The following TSR2 variants were observed in gnomAD, a reference collection of about 807,000 sequenced individuals.
The protein encoded by TSR2 is TSR2 ribosome maturation factor.
A neutral mutation model predicts 13.3 loss-of-function variants in TSR2; 1 was observed. The ratio of observed to expected loss-of-function variants is 0.08; its 90% CI spans 0.03 to 0.36. The LOEUF (loss-of-function observed/expected upper bound fraction) is 0.36. Among genes scored for constraint, TSR2 ranks in the 10% least tolerant of loss-of-function variants. TSR2 has a pLI of 0.99. For synonymous variants in TSR2, 60 were observed against 57.7 expected, an observed-to-expected ratio of 1.04 and a Z score of -0.18; for missense variants, 120 against 151.1, an observed-to-expected ratio of 0.79 and a Z score of 1.08.
At chrX:54,443,173 A>G (rs1172247273) in intron 2 of TSR2, among the ~76,000 whole-genome samples, 4 of 112,082 alleles carry the variant, frequency 3.6e-5, no homozygotes, top group Non-Finnish European at 7.5e-5. Context: ...AATGCAGAAC[A>G]CTTTAGCAGA....
chrX:54,441,364 G>C (rs1461510500), intron 2 of TSR2, among the ~76,000 whole-genome samples: 2 of 111,884 alleles, frequency 1.8e-5, no homozygotes, highest in African/African-American at 6.5e-5. Flanking sequence ...ACAAGAACAA[G>C]AGGCCCAGTA....
rs1226487472 is a variant in TSR2 at position 54,446,721 on chromosome X, C to CT, written c.*2191dup. Among the ~76,000 whole-genome samples, 1,636 of 87,631 alleles carry CT rather than the reference C, an allele frequency of 0.019. 68 individuals are homozygous for CT. Among genetic ancestry groups the CT allele is most frequent in the African/African-American group, 0.059 (1,347 of 23,015 alleles). The allele number at this position is 87,631 out of a possible 115,157, so 76.1% of individuals were successfully genotyped here. The stretch of plus-strand genomic sequence containing the variant: ...CTATGCTATTGCCCCTATCTGCATA[C>CT]TTTTTTTTTTTTTTTTTTTTGAGAC... On this transcript the variant is annotated 3_prime_UTR_variant, in exon 5 of 5. Coordinates refer to ENST00000375151, the MANE Select transcript of TSR2 (RefSeq NM_058163.3).
chrX:54,445,968 C>A lies in TSR2; in HGVS notation c.*1418C>A. 1 of 466,968 alleles carries A rather than the reference C, an allele frequency of 2.1e-6. No individual in the cohort carries two copies. Among genetic ancestry groups the A allele is most frequent in the Non-Finnish European group, 3.7e-6 (1 of 273,464 alleles). The allele number at this position is 466,968 out of a possible 1,213,427, so 38.5% of individuals were successfully genotyped here. A position where few individuals can be genotyped will look rare whatever the true frequency, so the allele number is the denominator to read the frequency against. The stretch of plus-strand genomic sequence containing the variant: ...TTGTGAAAAGATGAATTAAAAAACC[C>A]AAGACCCAGCATTCGGGATTGAAAG... On this transcript the variant is annotated 3_prime_UTR_variant, in exon 5 of 5. Coordinates refer to ENST00000375151, the MANE Select transcript of TSR2 (RefSeq NM_058163.3).
At chrX:54,441,710 A>T (rs1365215950) in intron 2 of TSR2, among the ~76,000 whole-genome samples, 1 of 110,972 alleles carries the variant, frequency 9.0e-6, no homozygotes, top group Non-Finnish European at 1.9e-5. Context: ...CAGGGAGCTC[A>T]GTATTGGAGT....
rs981719835 is a variant in TSR2, at chrX:54,440,891, G to A, written c.172+111G>A. 65 of 545,990 alleles carry A rather than the reference G, an allele frequency of 1.2e-4. No individual in the cohort carries two copies. The Middle Eastern group carries it at 1.5e-3, about 13-fold the overall frequency. 45.0% of individuals were successfully genotyped at this position (545,990 alleles called of 1,213,427 possible). The stretch of plus-strand genomic sequence containing the variant: ...GAGCAGTTGTGGATTGGTACCTAAA[G>A]GTGAGGTGGAATGAATTCAGCTTTT... On this transcript the variant is annotated intron_variant, in intron 2 of 4. Coordinates refer to ENST00000375151, the MANE Select transcript of TSR2 (RefSeq NM_058163.3).
In TSR2 at chrX:54,446,348, G is replaced by A. The variant is rs1295137376; in HGVS notation, c.*1798G>A. The A allele has an allele frequency of 3.3e-6, 4 of 1,210,626 alleles. No homozygotes were observed. The highest frequency in any genetic ancestry group is 4.5e-6 in the Non-Finnish European group (4 of 894,814). On this transcript the variant is annotated 3_prime_UTR_variant, in exon 5 of 5. Coordinates refer to ENST00000375151, the MANE Select transcript of TSR2 (RefSeq NM_058163.3). Reference sequence around the variant, plus strand: ...TTGAAGACATGCCTTCTGTCAGGCCGCTCCCCTGCCTCGGGCGGTCCCACC... The same window carrying A: ...TTGAAGACATGCCTTCTGTCAGGCCACTCCCCTGCCTCGGGCGGTCCCACC...
Position 54,445,941 on chromosome X carries a change from T to G in TSR2, c.*1391T>G. The G allele has an allele frequency of 2.3e-6, 1 of 441,043 alleles. No individual in the cohort carries two copies. The highest frequency in any genetic ancestry group is 2.5e-5 in the African/African-American group (1 of 40,700). 36.3% of individuals were successfully genotyped at this position (441,043 alleles called of 1,213,427 possible). A position where few individuals can be genotyped will look rare whatever the true frequency, so the allele number is the denominator to read the frequency against. On this transcript the variant is annotated 3_prime_UTR_variant, in exon 5 of 5. Transcript: ENST00000375151. Reference sequence around the variant, plus strand: ...GGAATATATTTTTTAAAAGCCCACGTTTTGTGAAAAGATGAATTAAAAAAC... The same window carrying G: ...GGAATATATTTTTTAAAAGCCCACGGTTTGTGAAAAGATGAATTAAAAAAC...
At chrX:54,443,311 G>A (rs1921995338) in intron 2 of TSR2, 89 bp from the exon 3 acceptor site, 1 of 631,780 alleles carries the variant, frequency 1.6e-6, no homozygotes, top group Non-Finnish European at 2.6e-6. Flanking sequence ...CCCAGTTGCA[G>A]ATCCACCAAG....
Position 54,446,970 on chromosome X carries a change from T to A in TSR2, c.*2420T>A, listed in dbSNP as rs1275149650. Reference sequence around the variant, plus strand: ...AACTCCTGATCTCAGGTGAGCCACCTGCCTCGGCCTCTCAGAGTGCTGGGA... The same window carrying A: ...AACTCCTGATCTCAGGTGAGCCACCAGCCTCGGCCTCTCAGAGTGCTGGGA... On this transcript the variant is annotated 3_prime_UTR_variant, in exon 5 of 5. Coordinates refer to ENST00000375151, the MANE Select transcript of TSR2 (RefSeq NM_058163.3). Among the ~76,000 whole-genome samples, 1 of 110,986 alleles carries A rather than the reference T, an allele frequency of 9.0e-6. No homozygotes were observed. The highest frequency in any genetic ancestry group is 9.6e-5 in the Admixed American group (1 of 10,403).
intron 4 of TSR2, 102 bp downstream of exon 4, chrX:54,444,286 T>G: frequency 8.6e-7 from 1 of 1,158,876 alleles, no homozygotes. Flanking sequence ...TGGTGGTTGG[T>G]GGTAGTAGTA....
rs1922084225 is a variant in TSR2, at chrX:54,445,055, C to T, written c.*505C>T. 1 of 111,504 alleles carries T rather than the reference C, an allele frequency of 9.0e-6. No individual in the cohort carries two copies. Among genetic ancestry groups the T allele is most frequent in the South Asian group, 3.8e-4 (1 of 2,601 alleles). The allele number at this position is 111,504 out of a possible 1,213,427, so 9.2% of individuals were successfully genotyped here. A position where few individuals can be genotyped will look rare whatever the true frequency, so the allele number is the denominator to read the frequency against. ...AGCCTCTCCCTTACCCCACCCCACA[C>T]ACACGCAACAGCTCTGTACCCCTGC... On this transcript the variant is annotated 3_prime_UTR_variant, in exon 5 of 5. Transcript: ENST00000375151.
In TSR2 at chrX:54,446,539, A is replaced by T. The variant is rs1157937806; in HGVS notation, c.*1989A>T. 1.7e-6 allele frequency: 1 copy of T among 605,843 alleles called. No individual in the cohort carries two copies. The highest frequency in any genetic ancestry group is 3.7e-5 in the Admixed American group (1 of 26,967). 49.9% of individuals were successfully genotyped at this position (605,843 alleles called of 1,213,427 possible). A position where few individuals can be genotyped will look rare whatever the true frequency, so the allele number is the denominator to read the frequency against. On this transcript the variant is annotated 3_prime_UTR_variant, in exon 5 of 5. Coordinates refer to ENST00000375151, the MANE Select transcript of TSR2 (RefSeq NM_058163.3). ...TACTCAGGAACTCCCCTACTCAGGA[A>T]CCTTCCGTGGCTCCAGTGTTATCAA...
chrX:54,444,931 C>T lies in TSR2; in HGVS notation c.*381C>T. Reference sequence around the variant, plus strand: ...GGGAGGAGAGGATCAGCAGCAGCAGCAGTACTCAGTGATAGGGGGCTGGCT... The same window carrying T: ...GGGAGGAGAGGATCAGCAGCAGCAGTAGTACTCAGTGATAGGGGGCTGGCT... On this transcript the variant is annotated 3_prime_UTR_variant, in exon 5 of 5. Transcript: ENST00000375151. The T allele has an allele frequency of 2.4e-5, 3 of 127,462 alleles. No homozygotes were observed. Among genetic ancestry groups the T allele is most frequent in the Admixed American group, 8.4e-5 (1 of 11,841 alleles). The allele number at this position is 127,462 out of a possible 1,213,427, so 10.5% of individuals were successfully genotyped here. A position where few individuals can be genotyped will look rare whatever the true frequency, so the allele number is the denominator to read the frequency against.
intron 2 of TSR2, among the ~76,000 whole-genome samples, chrX:54,441,380 C>T (rs1167149204): frequency 1.8e-5 from 2 of 111,625 alleles, no homozygotes; most frequent in African/African-American, 3.3e-5. Context: ...CAGTAGAGGG[C>T]CTGTTGCATA....
intron 1 of TSR2, 90 bp from the exon 2 acceptor site, chrX:54,440,600 A>G: frequency 1.8e-6 from 2 of 1,130,430 alleles, no homozygotes; most frequent in Non-Finnish European, 2.4e-6. Flanking sequence ...AGGCGGCATA[A>G]GAGGAGTTGG....
In TSR2 at chrX:54,446,519, AG is replaced by A; in HGVS notation, c.*1971del. On this transcript the variant is annotated 3_prime_UTR_variant, in exon 5 of 5. Transcript: ENST00000375151. Reference sequence around the variant, plus strand: ...ATGCTCTGTCTTCAGTCCCCTACTCAGGAACTCCCCTACTCAGGAACCTTCC... The same window carrying A: ...ATGCTCTGTCTTCAGTCCCCTACTCAGAACTCCCCTACTCAGGAACCTTCC... 4.0e-6 allele frequency: 3 copies of A among 753,892 alleles called. No homozygotes were observed. The South Asian group carries it at 7.6e-5, about 19-fold the overall frequency. 62.1% of individuals were successfully genotyped at this position (753,892 alleles called of 1,213,427 possible).
At chrX:54,443,949 G>C (rs982602987) in intron 3 of TSR2, 59 bp from the exon 4 acceptor site, 2 of 1,178,454 alleles carry the variant, frequency 1.7e-6, no homozygotes, top group Non-Finnish European at 2.3e-6. Flanking sequence ...CTTCAAACAC[G>C]TGCTGTTTGT....
chrX:54,444,365 TG>T, intron 4 of TSR2, 50 bp from the exon 5 acceptor site: 1 of 1,170,174 alleles, frequency 8.5e-7, no homozygotes, highest in Middle Eastern at 2.8e-4. Flanking sequence ...GAGCAGAGCC[TG>T]GGTCTCCAGT....
Position 54,447,441 on chromosome X carries a change from A to G in TSR2, c.*2891A>G. ...GCAGATGACGCTGTTCTCTGCAGCC[A>G]CTGAGGCCTGTTTCTGTGGCCAGAG... On this transcript the variant is annotated 3_prime_UTR_variant, in exon 5 of 5. Transcript: ENST00000375151. 8.3e-7 allele frequency: 1 copy of G among 1,210,606 alleles called. No homozygotes were observed. The highest frequency in any genetic ancestry group is 1.1e-6 in the Non-Finnish European group (1 of 894,782).
Sources: allele counts gnomAD v4.1 joint callset (sites outside exome capture counted in the v4.1 genomes callset), GRCh38; gene constraint gnomAD v4.1.1; transcripts MANE v1.5; gene names NCBI Gene and HGNC (gene_info 2026-07-23, HGNC 2026-07-21).